The following FAM20C variants were observed in gnomAD, a reference collection of about 807,000 sequenced individuals.
FAM20C encodes the protein FAM20C golgi associated secretory pathway kinase, also known as extracellular serine/threonine protein kinase FAM20C.
FAM20C carries 40 observed loss-of-function variants against 51.5 expected under a neutral mutation model. The ratio of observed to expected loss-of-function variants is 0.78; its 90% CI spans 0.60 to 1.01. FAM20C has a LOEUF of 1.01. Among genes scored for constraint, FAM20C ranks in the 50% least tolerant of loss-of-function variants. The probability of loss-of-function intolerance (pLI) is 0.00; values close to 1 mark genes in which losing one functional copy is unlikely to be tolerated. For missense variants in FAM20C, 861 were observed against 844.7 expected (o/e 1.02, Z -0.24); for synonymous variants, 406 against 380.6 (o/e 1.07, Z -0.78).
intron 4 of FAM20C, among the ~76,000 whole-genome samples, chr7:247,080 C>T (rs185312415): frequency 6.6e-6 from 1 of 152,326 alleles, no homozygotes; most frequent in East Asian, 1.9e-4. Flanking sequence ...CAGAGACTCA[C>T]AGAGCACAGG....
chr7:232,118 C>T (rs977805884), intron 3 of FAM20C, among the ~76,000 whole-genome samples: 17 of 152,342 alleles, frequency 1.1e-4, no homozygotes, highest in South Asian at 1.0e-3. Context: ...GCTCGGCCGC[C>T]GGCCCAGCTG....
intron 5 of FAM20C, among the ~76,000 whole-genome samples, chr7:248,645 C>T (rs1228940160): frequency 1.4e-5 from 2 of 145,512 alleles, no homozygotes; most frequent in African/African-American, 5.1e-5. Context: ...ATTCATCTCG[C>T]CAGGTAGCCT....
intron 5 of FAM20C, among the ~76,000 whole-genome samples, chr7:252,057 A>AT (rs1013073124): frequency 5.3e-5 from 8 of 152,090 alleles, no homozygotes; most frequent in African/African-American, 1.9e-4. Context: ...AGGAGCCCGG[A>AT]TTCCTCTCCT....
chr7:232,012 G>A (rs191360543), intron 3 of FAM20C, among the ~76,000 whole-genome samples: 12 of 152,322 alleles, frequency 7.9e-5, no homozygotes, highest in Non-Finnish European at 1.3e-4. Flanking sequence ...CCCGGCATCC[G>A]TTCCGTCGGC....
intron 2 of FAM20C, among the ~76,000 whole-genome samples, chr7:199,471 A>G (rs1369184395): frequency 6.6e-6 from 1 of 152,266 alleles, no homozygotes; most frequent in Non-Finnish European, 1.5e-5. Flanking sequence ...CTGTCCCCTC[A>G]GCTGTCCGGC....
In FAM20C at chr7:193,405, A is replaced by C. The variant is rs1178602593; in HGVS notation, c.206A>C (p.Glu69Ala). 7.1e-7 allele frequency: 1 copy of C among 1,399,966 alleles called. No homozygotes were observed. Among genetic ancestry groups the C allele is most frequent in the Non-Finnish European group, 9.4e-7 (1 of 1,064,998 alleles). 86.7% of individuals were successfully genotyped at this position (1,399,966 alleles called of 1,614,324 possible). ...GWAQVRGRPG[E>A]PPAASSAAGD... ...GCCCAGGTTCGGGGCCGCCCCGGGGAGCCCCCGGCCGCCTCCTCCGCCGCC... is the reference window on the plus strand; with the variant it reads ...GCCCAGGTTCGGGGCCGCCCCGGGGCGCCCCCGGCCGCCTCCTCCGCCGCC... The change falls in exon 1 of 10, where the codon GAG becomes GCG. Residue 69 changes from glutamate to alanine, a missense_variant. Physicochemically the swap from Glu to Ala is moderately radical, Grantham distance 107. Around this residue, in one of 3 missense-constraint regions of FAM20C, gnomAD observed 561 missense variants for 499.8 expected, o/e 1.12. Transcript: ENST00000313766.
intron 2 of FAM20C, among the ~76,000 whole-genome samples, chr7:205,527 G>A (rs968176323): frequency 8.5e-5 from 13 of 152,168 alleles, no homozygotes; most frequent in African/African-American, 2.2e-4. Context: ...GGCATGAGCC[G>A]CCGCACTCGG....
At chr7:201,815 C>T (rs1197166301) in intron 2 of FAM20C, among the ~76,000 whole-genome samples, 2 of 152,230 alleles carry the variant, frequency 1.3e-5, no homozygotes, top group Non-Finnish European at 2.9e-5. Flanking sequence ...GTGGGCAAAA[C>T]CCAGTGGCGT....
chr7:244,046 C>A (rs1364706068), intron 3 of FAM20C, among the ~76,000 whole-genome samples: 1 of 151,694 alleles, frequency 6.6e-6, no homozygotes, highest in Non-Finnish European at 1.5e-5. Context: ...GTGATCCTCC[C>A]ATCTCAGCCT....
At chr7:223,593 G>C (rs28429612) in intron 3 of FAM20C, among the ~76,000 whole-genome samples, 70,279 of 152,108 alleles carry the variant, frequency 0.46, 16,713 homozygotes, top group South Asian at 0.61. Flanking sequence ...CAGCCGGCTC[G>C]TCTGTGTGTG....
In FAM20C at chr7:259,968, C is replaced by T. The variant is rs1350139550; in HGVS notation, c.1743C>T (p.Ala581=). The T allele has an allele frequency of 1.8e-5, 28 of 1,515,908 alleles. No individual in the cohort carries two copies. The highest frequency in any genetic ancestry group is 2.5e-5 in the Non-Finnish European group (28 of 1,130,978). The allele number at this position is 1,515,908 out of a possible 1,614,324, so 93.9% of individuals were successfully genotyped here. ...DDDLDTEHRA[A]SAR ...ACCTGGACACTGAGCACAGAGCCGC[C>T]TCGGCGAGGTAGTGTCCGCCGGCCG... Residue 581 remains alanine (A), a synonymous_variant, in exon 10 of 10, where the codon GCC becomes GCT. Coordinates refer to ENST00000313766, the MANE Select transcript of FAM20C (RefSeq NM_020223.4).
chr7:199,233 G>C (rs1786022438), intron 2 of FAM20C, among the ~76,000 whole-genome samples: 1 of 152,258 alleles, frequency 6.6e-6, no homozygotes. Context: ...TCTGGGTGAA[G>C]ACCCAGCTGC....
chr7:259,661 TTCTC>T (rs1242935443), intron 9 of FAM20C, 66 bp from the exon 10 acceptor site: 10 of 1,463,328 alleles, frequency 6.8e-6, no homozygotes, highest in Non-Finnish European at 9.1e-6. Flanking sequence ...CCCTCTCACT[TTCTC>T]TCGCTTTCCC....
Position 200,331 on chromosome 7 carries a change from C to T in FAM20C, c.784+4599C>T, listed in dbSNP as rs189149354. Among the ~76,000 whole-genome samples the T allele has an allele frequency of 2.0e-5, 3 of 151,788 alleles. No individual in the cohort carries two copies. The East Asian group carries it at 5.9e-4, about 30-fold the overall frequency. On this transcript the variant is annotated intron_variant, in intron 2 of 9. Coordinates refer to ENST00000313766, the MANE Select transcript of FAM20C (RefSeq NM_020223.4). Reference sequence around the variant, plus strand: ...TGCCCAATTAGCTGGACGCCCATGGCCCCAGGGCTGGGGGACCTTGGGTTA... The same window carrying T: ...TGCCCAATTAGCTGGACGCCCATGGTCCCAGGGCTGGGGGACCTTGGGTTA...
intron 3 of FAM20C, among the ~76,000 whole-genome samples, chr7:210,880 C>A (rs951057783): frequency 6.6e-6 from 1 of 152,154 alleles, no homozygotes; most frequent in African/African-American, 2.4e-5. Context: ...CTGCGGGAAC[C>A]GGCGTCTCGT....
At chr7:215,164 G>A (rs1321095653) in intron 3 of FAM20C, among the ~76,000 whole-genome samples, 2 of 151,302 alleles carry the variant, frequency 1.3e-5, no homozygotes, top group South Asian at 2.1e-4. Flanking sequence ...GAGTGAAAGA[G>A]AAATGTACAA....
At chr7:247,261 C>T (rs1209598642) in intron 4 of FAM20C, among the ~76,000 whole-genome samples, 1 of 152,160 alleles carries the variant, frequency 6.6e-6, no homozygotes, top group East Asian at 1.9e-4. Context: ...AGTGGGGGGT[C>T]CGTGTTCAGT....
chr7:246,234 C>T (rs989801916), intron 3 of FAM20C, 181 bp from the exon 4 acceptor site: 14 of 606,818 alleles, frequency 2.3e-5, no homozygotes, highest in African/African-American at 5.6e-5. Flanking sequence ...CACGTGCCTG[C>T]GCTGCTCTGA....
chr7:198,049 C>T (rs1252085047), intron 2 of FAM20C, among the ~76,000 whole-genome samples: 1 of 152,216 alleles, frequency 6.6e-6, no homozygotes. Context: ...TGGTTAATTC[C>T]TGTGCCTACT....
Sources: gnomAD v4.1 joint callset for allele counts (sites outside exome capture counted in the v4.1 genomes callset) on GRCh38, gnomAD v4.1.1 for gene constraint, gnomAD v4.1.1 regional missense constraint, MANE v1.5 for transcripts, NCBI Gene and HGNC (gene_info 2026-07-23, HGNC 2026-07-21) for gene names.